WT1: variants seen among roughly 807,000 people sequenced by gnomAD.
WT1 encodes Wilms tumor protein.
In WT1, 8 loss-of-function variants were observed where a neutral mutation model predicts 60.8. That is an observed-to-expected ratio of 0.13 (90% CI 0.08 to 0.24). The LOEUF (loss-of-function observed/expected upper bound fraction) is 0.24. WT1 is among the 10% of genes least tolerant of loss of function. The probability of loss-of-function intolerance (pLI) is 1.00; values close to 1 mark genes in which losing one functional copy is unlikely to be tolerated. For missense variants in WT1, 568 were observed against 711.8 expected (o/e 0.80, Z 2.30); for synonymous variants, 312 against 297.1 (o/e 1.05, Z -0.52).
Position 32,434,688 on chromosome 11 carries a change from CG to C in WT1, c.661+11del, listed in dbSNP as rs778200475. ...TGCCCCGCGCGTAGGGGGCGCTCCC[CG>C]GCCTACTTACCCTGATTGCGAATAG... On this transcript the variant is annotated intron_variant, in intron 1 of 9. Transcript: ENST00000452863. The C allele has an allele frequency of 2.0e-5, 33 of 1,612,604 alleles. No individual in the cohort carries two copies. Among genetic ancestry groups the C allele is most frequent in the Non-Finnish European group, 2.6e-5 (31 of 1,179,908 alleles).
chr11:32,388,304 T>C lies in WT1; in HGVS notation c.*754A>G, dbSNP rs1851718624. ...AGGTATGTACATCTATAAAGACACA[T>C]ATGATTACCACTCAAAAGAGTCAAA... On this transcript the variant is annotated 3_prime_UTR_variant, in exon 10 of 10. Transcript: ENST00000452863. 3 of 233,682 alleles carry C rather than the reference T, an allele frequency of 1.3e-5. 1 individual carries two copies. Among genetic ancestry groups the C allele is most frequent in the South Asian group, 3.6e-4 (2 of 5,534 alleles). The allele number at this position is 233,682 out of a possible 1,614,324, so 14.5% of individuals were successfully genotyped here.
chr11:32,395,439 G>A (rs959567622), intron 7 of WT1, among the ~76,000 whole-genome samples: 3 of 151,362 alleles, frequency 2.0e-5, no homozygotes, highest in Non-Finnish European at 2.9e-5. Context: ...TTTCATTGGC[G>A]TATCTTCAAA....
intron 5 of WT1, among the ~76,000 whole-genome samples, chr11:32,415,474 C>T (rs1332337512): frequency 6.6e-6 from 1 of 152,176 alleles, no homozygotes; most frequent in African/African-American, 2.4e-5. Context: ...CATGGAGAAA[C>T]CCCATCTCTA....
Position 32,428,063 on chromosome 11 carries a change from AG to A in WT1, c.785-6del. 2 of 1,597,760 alleles carry A rather than the reference AG, an allele frequency of 1.3e-6. No individual in the cohort carries two copies. Among genetic ancestry groups the A allele is most frequent in the Non-Finnish European group, 1.7e-6 (2 of 1,169,228 alleles). ...GCACCGAGTACTGCTGCTCACCTGC[AG>A]AGAGAACCGAAGACAGCTGAGCGAG... On this transcript the variant is annotated splice_region_variant and splice_polypyrimidine_tract_variant and intron_variant, in intron 2 of 9. Coordinates refer to ENST00000452863, the MANE Select transcript of WT1 (RefSeq NM_024426.6).
chr11:32,430,222 G>C (rs918748924), intron 1 of WT1, among the ~76,000 whole-genome samples: 1 of 152,064 alleles, frequency 6.6e-6, no homozygotes, highest in African/African-American at 2.4e-5. Flanking sequence ...AGTGGGCAAA[G>C]ATAACCCCCG....
Position 32,416,533 on chromosome 11 carries a change from C to A in WT1, c.973G>T (p.Ala325Ser). Residue 325 changes from alanine (A) to serine (S), a missense_variant, in exon 5 of 10, where the codon GCT (alanine) becomes TCT (serine). Ala to Ser is a moderately conservative substitution (Grantham distance 99). Coordinates refer to ENST00000452863, the MANE Select transcript of WT1 (RefSeq NM_024426.6). ...CATTTCACTGAGCTGGAGCTCCCAGCAGCAACTCTAGAAAAGAAGAAGAGG... is the reference window on the plus strand; with the variant it reads ...CATTTCACTGAGCTGGAGCTCCCAGAAGCAACTCTAGAAAAGAAGAAGAGG... 6.2e-7 allele frequency: 1 copy of A among 1,614,034 alleles called. No homozygotes were observed. Among genetic ancestry groups the A allele is most frequent in the Non-Finnish European group, 8.5e-7 (1 of 1,179,986 alleles).
intron 7 of WT1, among the ~76,000 whole-genome samples, chr11:32,395,744 G>C (rs537606679): frequency 1.1e-3 from 161 of 150,566 alleles, no homozygotes; most frequent in Non-Finnish European, 2.0e-3. Flanking sequence ...TTACAGGCGT[G>C]AGCCCCCATG....
At position 32,395,980 on chromosome 11, in the gene WT1, A is replaced by C. The variant is rs5030278; in HGVS notation, c.1264+277T>G. Among the ~76,000 whole-genome samples the C allele has an allele frequency of 0.19, 28,713 of 151,832 alleles. 4,795 individuals are homozygous for C. The highest frequency in any genetic ancestry group is 0.46 in the African/African-American group (18,849 of 41,328). ...GAAATGCTAATAGTATTCTAACACC[A>C]ACACGATTCCTACACAGGTCTCTTT... On this transcript the variant is annotated intron_variant, in intron 7 of 9. Transcript: ENST00000452863.
At position 32,388,395 on chromosome 11, in the gene WT1, A is replaced by C. The variant is rs1851721808; in HGVS notation, c.*663T>G. 2 of 234,024 alleles carry C rather than the reference A, an allele frequency of 8.5e-6. No homozygotes were observed. The highest frequency in any genetic ancestry group is 6.0e-5 in the East Asian group (1 of 16,622). 14.5% of individuals were successfully genotyped at this position (234,024 alleles called of 1,614,324 possible). A position where few individuals can be genotyped will look rare whatever the true frequency, so the allele number is the denominator to read the frequency against. On this transcript the variant is annotated 3_prime_UTR_variant, in exon 10 of 10. Transcript: ENST00000452863. ...GAGCAGTGTGCCAGTGTTCACATTG[A>C]ATTAACTGAATGGTAAAATTCTTTT...
intron 8 of WT1, 48 bp downstream of exon 8, chr11:32,392,618 T>C (rs1475766254): frequency 6.4e-7 from 1 of 1,567,732 alleles, no homozygotes; most frequent in African/African-American, 1.4e-5. Context: ...AAATCAACCC[T>C]AGCCCAAGGG....
chr11:32,433,833 G>C (rs1381137354), intron 1 of WT1, among the ~76,000 whole-genome samples: 1 of 152,226 alleles, frequency 6.6e-6, no homozygotes, highest in Non-Finnish European at 1.5e-5. Context: ...CCCTGTCCTT[G>C]TTCTAACCCC....
At chr11:32,434,548 T>C in intron 1 of WT1, 152 bp downstream of exon 1, 4 of 1,472,540 alleles carry the variant, frequency 2.7e-6, no homozygotes, top group Non-Finnish European at 3.6e-6. Flanking sequence ...TCCGGCCTCC[T>C]CCCCAGCCGC....
At position 32,400,037 on chromosome 11, in the gene WT1, T is replaced by G. The variant is rs1379671543; in HGVS notation, c.1024A>C (p.Thr342Pro). The change falls in exon 6 of 10, where the codon ACA becomes CCA. Residue 342 changes from threonine (T) to proline (P), a missense_variant. This residue lies in a region of WT1 where 523 missense variants were observed against 565.1 expected (regional missense o/e 0.93). Transcript: ENST00000452863. ...GTGTGGTTATCGCTCTCGTACCCTG[T>G]GCTGTGGCTGCAAACACAAAGAAGG... 6.2e-7 allele frequency: 1 copy of G among 1,614,068 alleles called. No individual in the cohort carries two copies. Among genetic ancestry groups the G allele is most frequent in the Non-Finnish European group, 8.5e-7 (1 of 1,180,034 alleles).
At chr11:32,403,203 A>G (rs888823459) in intron 5 of WT1, among the ~76,000 whole-genome samples, 2 of 152,084 alleles carry the variant, frequency 1.3e-5, no homozygotes, top group Non-Finnish European at 2.9e-5. Context: ...GGGTCTCCAA[A>G]GGACAAACAC....
intron 5 of WT1, among the ~76,000 whole-genome samples, chr11:32,415,886 A>G (rs1951198953): frequency 2.0e-5 from 3 of 152,174 alleles, no homozygotes; most frequent in Admixed American, 1.3e-4. Flanking sequence ...AGGATGAACC[A>G]AATAACAGGA....
chr11:32,427,171 G>C (rs1480397446), intron 3 of WT1, among the ~76,000 whole-genome samples: 10 of 152,348 alleles, frequency 6.6e-5, no homozygotes, highest in Non-Finnish European at 2.9e-5. Flanking sequence ...TTCCAGCCCC[G>C]TGCGGGCTGG....
intron 5 of WT1, among the ~76,000 whole-genome samples, chr11:32,401,540 ATATT>A (rs1261625286): frequency 6.6e-6 from 1 of 151,742 alleles, no homozygotes; most frequent in Non-Finnish European, 1.5e-5. Context: ...ATGCATCAGT[ATATT>A]TATTTATTTA....
chr11:32,432,920 C>A (rs1187334047), intron 1 of WT1, among the ~76,000 whole-genome samples: 1 of 152,226 alleles, frequency 6.6e-6, no homozygotes, highest in Non-Finnish European at 1.5e-5. Flanking sequence ...GTTTCTCAAC[C>A]GCCTCCAAAT....
intron 3 of WT1, among the ~76,000 whole-genome samples, chr11:32,424,172 A>AG (rs1852947881): frequency 6.6e-6 from 1 of 151,776 alleles, no homozygotes; most frequent in Non-Finnish European, 1.5e-5. Context: ...AAAAAAAAAA[A>AG]AAAAAAAAGT....
Sources: allele counts gnomAD v4.1 joint callset (sites outside exome capture counted in the v4.1 genomes callset), GRCh38; gene constraint gnomAD v4.1.1; regional missense constraint gnomAD v4.1.1; transcripts MANE v1.5; gene names NCBI Gene and HGNC (gene_info 2026-07-23, HGNC 2026-07-21).